CFAP299: variants seen among roughly 807,000 people sequenced by gnomAD.
CFAP299 encodes cilia- and flagella-associated protein 299.
Under a neutral mutation model 27.0 loss-of-function variants are expected in CFAP299, and 21 were observed. The observed-to-expected ratio is 0.78, with a 90% confidence interval of 0.55 to 1.12. CFAP299 has a LOEUF of 1.12. Ranked by LOEUF, CFAP299 falls within the 50% of genes most tolerant of loss-of-function variation. The pLI is 0.00. For synonymous variants in CFAP299, 104 were observed against 98.1 expected, an observed-to-expected ratio of 1.06 and a Z score of -0.36; for missense variants, 310 against 276.6, an observed-to-expected ratio of 1.12 and a Z score of -0.86.
At chr4:80,375,678 C>T (rs1040959243) in intron 2 of CFAP299, among the ~76,000 whole-genome samples, 1 of 152,234 alleles carries the variant, frequency 6.6e-6, no homozygotes, top group South Asian at 2.1e-4. Context: ...GGGCAGCTTT[C>T]AGACCTTAAT....
chr4:80,510,194 G>A (rs1732227530), intron 2 of CFAP299, among the ~76,000 whole-genome samples: 1 of 152,058 alleles, frequency 6.6e-6, no homozygotes, highest in African/African-American at 2.4e-5. Flanking sequence ...TAAAAAATAT[G>A]TTTCGCTTAT....
chr4:80,695,942 G>A (rs745863309), intron 3 of CFAP299, among the ~76,000 whole-genome samples: 20 of 151,966 alleles, frequency 1.3e-4, no homozygotes, highest in Admixed American at 2.6e-4. Context: ...GAGCCACAGC[G>A]CCCAGCTGTT....
chr4:80,340,786 AT>A (rs111471993), intron 1 of CFAP299, among the ~76,000 whole-genome samples: 4,289 of 134,086 alleles, frequency 0.032, 125 homozygotes, highest in African/African-American at 0.095. Context: ...TTATTTTATT[AT>A]TTTTTTTTTT....
At chr4:80,355,354 C>CTTTTTTTTTT (rs70944772) in intron 1 of CFAP299, among the ~76,000 whole-genome samples, 4 of 95,522 alleles carry the variant, frequency 4.2e-5, no homozygotes, top group Non-Finnish European at 5.7e-5. Flanking sequence ...ATGTCCTTTG[C>CTTTTTTTTTT]TTTTTTTTTT....
At position 80,718,586 on chromosome 4, in the gene CFAP299, A is replaced by G. The variant is rs116631721; in HGVS notation, c.333+135403A>G. Among the ~76,000 whole-genome samples the G allele has an allele frequency of 6.2e-3, 949 of 152,188 alleles. 5 individuals are homozygous for G. Among genetic ancestry groups the G allele is most frequent in the African/African-American group, 0.02 (818 of 41,536 alleles). On this transcript the variant is annotated intron_variant, in intron 3 of 5. Coordinates refer to ENST00000358105, the MANE Select transcript of CFAP299 (RefSeq NM_152770.3). The stretch of plus-strand genomic sequence containing the variant: ...ATATAAAAATAAAACCTAAAAATAT[A>G]TTACTATTTAAAAGGTTGATAATAC...
rs140026603 is a variant in CFAP299, at chr4:80,902,903, C to G, written c.476+32768C>G. Reference sequence around the variant, plus strand: ...TGAGTCTTGTACATATATATATATACAAACAAATCATAAGTAAATTTCCAT... The same window carrying G: ...TGAGTCTTGTACATATATATATATAGAAACAAATCATAAGTAAATTTCCAT... On this transcript the variant is annotated intron_variant, in intron 4 of 5. Coordinates refer to ENST00000358105, the MANE Select transcript of CFAP299 (RefSeq NM_152770.3). Among the ~76,000 whole-genome samples the G allele has an allele frequency of 9.2e-5, 14 of 151,778 alleles. No homozygotes were observed. The East Asian group carries it at 2.5e-3, about 27-fold the overall frequency.
At position 80,452,933 on chromosome 4, in the gene CFAP299, G is replaced by A. The variant is rs567029794; in HGVS notation, c.242+90049G>A. ...TAAGTCAGAGACATCATGAGAAATGGGAGTAAAAACAGATGGCCATGATGA... is the reference window on the plus strand; with the variant it reads ...TAAGTCAGAGACATCATGAGAAATGAGAGTAAAAACAGATGGCCATGATGA... On this transcript the variant is annotated intron_variant, in intron 2 of 5. Coordinates refer to ENST00000358105, the MANE Select transcript of CFAP299 (RefSeq NM_152770.3). Among the ~76,000 whole-genome samples the A allele has an allele frequency of 2.0e-5, 3 of 152,270 alleles. No homozygotes were observed. In the East Asian group the frequency reaches 5.8e-4, roughly 29 times the overall value.
chr4:80,783,291 A>G (rs975974417), intron 3 of CFAP299, among the ~76,000 whole-genome samples: 1 of 152,134 alleles, frequency 6.6e-6, no homozygotes, highest in African/African-American at 2.4e-5. Context: ...TTAGTTACTC[A>G]AGTCAGTCTA....
chr4:80,670,559 G>C (rs1482244678), intron 3 of CFAP299, among the ~76,000 whole-genome samples: 1 of 152,154 alleles, frequency 6.6e-6, no homozygotes, highest in African/African-American at 2.4e-5. Context: ...TTGAGGAATA[G>C]CCATGCTGTC....
At chr4:80,427,309 T>A (rs1302607614) in intron 2 of CFAP299, among the ~76,000 whole-genome samples, 1 of 152,216 alleles carries the variant, frequency 6.6e-6, no homozygotes, top group Non-Finnish European at 1.5e-5. Flanking sequence ...TTAACATTTT[T>A]AGCCTACTGT....
intron 3 of CFAP299, among the ~76,000 whole-genome samples, chr4:80,804,227 G>A (rs1250021061): frequency 2.6e-5 from 4 of 152,010 alleles, no homozygotes; most frequent in Admixed American, 6.6e-5. Flanking sequence ...ATCCATCTAC[G>A]TAACTCATTT....
At position 80,880,147 on chromosome 4, in the gene CFAP299, G is replaced by T. The variant is rs185930092; in HGVS notation, c.476+10012G>T. 3.2e-3 allele frequency among the ~76,000 whole-genome samples: 490 copies of T among 152,032 alleles called. 1 individual carries two copies. Among genetic ancestry groups the T allele is most frequent in the Middle Eastern group, 0.01 (3 of 294 alleles). On this transcript the variant is annotated intron_variant, in intron 4 of 5. Transcript: ENST00000358105. ...CAGGAGGAGGGAAGCGGGGAGAAAGGGGGGGAGAGAATCTATTCAAACAAG... is the reference window on the plus strand; with the variant it reads ...CAGGAGGAGGGAAGCGGGGAGAAAGTGGGGGAGAGAATCTATTCAAACAAG...
At chr4:80,819,710 C>G (rs979582894) in intron 3 of CFAP299, among the ~76,000 whole-genome samples, 1 of 152,084 alleles carries the variant, frequency 6.6e-6, no homozygotes, top group Admixed American at 6.6e-5. Flanking sequence ...AATGGGGGAA[C>G]AGCCCAATTC....
At chr4:80,410,579 G>T (rs1412231558) in intron 2 of CFAP299, among the ~76,000 whole-genome samples, 2 of 152,154 alleles carry the variant, frequency 1.3e-5, no homozygotes, top group African/African-American at 4.8e-5. Flanking sequence ...TCCGGGAAGA[G>T]AAAATGTTTC....
intron 3 of CFAP299, among the ~76,000 whole-genome samples, chr4:80,849,709 G>A (rs1221735762): frequency 6.6e-6 from 1 of 152,100 alleles, no homozygotes; most frequent in Non-Finnish European, 1.5e-5. Flanking sequence ...GGTTACCAGA[G>A]GCTAGGGAGG....
chr4:80,855,934 G>T (rs1483543931), intron 3 of CFAP299, among the ~76,000 whole-genome samples: 1 of 151,774 alleles, frequency 6.6e-6, no homozygotes, highest in African/African-American at 2.4e-5. Context: ...TAATGGGATG[G>T]CTGGGTCAAA....
At chr4:80,402,115 A>G (rs1393778446) in intron 2 of CFAP299, among the ~76,000 whole-genome samples, 1 of 152,176 alleles carries the variant, frequency 6.6e-6, no homozygotes, top group Non-Finnish European at 1.5e-5. Context: ...TTTTGATTTT[A>G]CAGGCTCATA....
chr4:80,822,311 A>G (rs573511050), intron 3 of CFAP299, among the ~76,000 whole-genome samples: 43 of 152,318 alleles, frequency 2.8e-4, no homozygotes, highest in Non-Finnish European at 5.7e-4. Context: ...GGAATTGACA[A>G]GAAAAGCCTT....
At chr4:80,528,368 G>A (rs1733296154) in intron 2 of CFAP299, among the ~76,000 whole-genome samples, 1 of 151,934 alleles carries the variant, frequency 6.6e-6, no homozygotes, top group Admixed American at 6.6e-5. Context: ...AGCTCTTACT[G>A]ATCATATTTA....
Sources: allele counts gnomAD v4.1 joint callset (sites outside exome capture counted in the v4.1 genomes callset), GRCh38; gene constraint gnomAD v4.1.1; transcripts MANE v1.5; gene names NCBI Gene and HGNC (gene_info 2026-07-23, HGNC 2026-07-21).